The following NF1 variants were observed in gnomAD, a reference collection of about 807,000 sequenced individuals.
NF1 encodes the protein neurofibromin.
In NF1, 122 loss-of-function variants were observed where a neutral mutation model predicts 325.7. The observed-to-expected ratio is 0.37, with a 90% CI of 0.32 to 0.44. The LOEUF (loss-of-function observed/expected upper bound fraction) is 0.44, where lower values mean the gene tolerates loss of function less well. Among genes scored for constraint, NF1 ranks in the 20% least tolerant of loss-of-function variants. NF1 has a pLI of 1.00. For missense variants in NF1, 2,140 were observed against 3,415.4 expected (o/e 0.63, Z 9.31); for synonymous variants, 1,091 against 1,186.0 (o/e 0.92, Z 1.65).
chr17:31,369,669 G>T (rs866378065), intron 57 of NF1, among the ~76,000 whole-genome samples: 5 of 152,200 alleles, frequency 3.3e-5, no homozygotes, highest in Admixed American at 1.3e-4. Flanking sequence ...CTTTAAAGGG[G>T]TTTTGATGAA....
chr17:31,161,458 T>C (rs988316028), intron 3 of NF1, among the ~76,000 whole-genome samples: 2 of 152,214 alleles, frequency 1.3e-5, no homozygotes, highest in African/African-American at 4.8e-5. Flanking sequence ...CTCAGTGTTA[T>C]TAAAATTCTT....
In NF1 at chr17:31,318,608, G is replaced by A. The variant is rs759792906; in HGVS notation, c.4836-7212G>A. The stretch of plus-strand genomic sequence containing the variant: ...ACTGCAATTATAATTAAGCAAATTA[G>A]CATAGCCATGTTGTTGTTGTTTTCC... On this transcript the variant is annotated intron_variant, in intron 36 of 57. Transcript: ENST00000358273. 22 of 1,613,934 alleles carry A rather than the reference G, an allele frequency of 1.4e-5. No individual in the cohort carries two copies. The Middle Eastern group carries it at 4.9e-4, about 36-fold the overall frequency.
At chr17:31,197,410 A>G (rs991952717) in intron 8 of NF1, among the ~76,000 whole-genome samples, 3 of 137,320 alleles carry the variant, frequency 2.2e-5, no homozygotes, top group East Asian at 2.2e-4. Flanking sequence ...TTGAATCTGT[A>G]TATTGCTTTG....
At chr17:31,146,235 A>G (rs975052276) in intron 1 of NF1, among the ~76,000 whole-genome samples, 4 of 152,116 alleles carry the variant, frequency 2.6e-5, no homozygotes, top group African/African-American at 9.7e-5. Context: ...CAGACGGTTC[A>G]GGAATCTGGG....
At position 31,327,664 on chromosome 17, in the gene NF1, T is replaced by C. The variant is rs2069380487; in HGVS notation, c.5434T>C (p.Phe1812Leu). Residue 1812 changes from phenylalanine (F) to leucine (L), a missense_variant, in exon 38 of 58, where the codon TTC (phenylalanine) becomes CTC (leucine). By Grantham distance (22) the Phe-to-Leu change is conservative. Coordinates refer to ENST00000358273, the MANE Select transcript of NF1 (RefSeq NM_001042492.3). ...TGCAAACCAGGGCACGCCGCTCACC[T>C]TCATGCACCAGGAGTGTGAAGCCAT... ...TIANQGTPLT[F>L]MHQECEAIVQ... 6.2e-7 allele frequency: 1 copy of C among 1,614,202 alleles called. No homozygotes were observed. The highest frequency in any genetic ancestry group is 1.1e-5 in the South Asian group (1 of 91,080).
At chr17:31,212,434 C>A (rs1296151195) in intron 12 of NF1, among the ~76,000 whole-genome samples, 3 of 152,212 alleles carry the variant, frequency 2.0e-5, no homozygotes, top group Non-Finnish European at 4.4e-5. Context: ...GTAGGCTGGG[C>A]CTGGTGGCTC....
intron 30 of NF1, chr17:31,251,962 TAA>T (rs770704556): frequency 2.3e-5 from 5 of 214,816 alleles, no homozygotes; most frequent in South Asian, 1.9e-4. Context: ...GTGGATTAAA[TAA>T]TTCTAACATG....
chr17:31,127,923 AT>A (rs1237013422), intron 1 of NF1, among the ~76,000 whole-genome samples: 3 of 151,190 alleles, frequency 2.0e-5, no homozygotes, highest in East Asian at 1.9e-4. Flanking sequence ...TTTAATTAAT[AT>A]TTTTTTTGTA....
chr17:31,116,349 C>A (rs1186345623), intron 1 of NF1, among the ~76,000 whole-genome samples: 1 of 151,866 alleles, frequency 6.6e-6, no homozygotes, highest in South Asian at 2.1e-4. Flanking sequence ...TGAAAAATTG[C>A]CAGGGTTAGC....
intron 36 of NF1, chr17:31,318,740 GT>G: frequency 6.2e-7 from 1 of 1,614,042 alleles, no homozygotes; most frequent in Non-Finnish European, 8.5e-7. Context: ...TAAAGCTCCT[GT>G]TCAGATTTAG....
Position 31,107,586 on chromosome 17 carries a change from T to C in NF1, c.60+12217T>C, listed in dbSNP as rs541331670. ...AACCGAGATTCTGTCTCTGAAAAAA[T>C]AAATAAATAAATAAAATAAATACAT... On this transcript the variant is annotated intron_variant, in intron 1 of 57. Coordinates refer to ENST00000358273, the MANE Select transcript of NF1 (RefSeq NM_001042492.3). Among the ~76,000 whole-genome samples, 34 of 151,314 alleles carry C rather than the reference T, an allele frequency of 2.2e-4. No homozygotes were observed. In the South Asian group the frequency reaches 5.9e-3, roughly 26 times the overall value.
intron 1 of NF1, among the ~76,000 whole-genome samples, chr17:31,153,879 G>A (rs542366393): frequency 6.6e-6 from 1 of 151,328 alleles, no homozygotes; most frequent in East Asian, 2.0e-4. Context: ...CTCTCAAAGT[G>A]CTGGGATTAC....
At chr17:31,312,644 T>C (rs2068908900) in intron 36 of NF1, among the ~76,000 whole-genome samples, 1 of 152,000 alleles carries the variant, frequency 6.6e-6, no homozygotes, top group South Asian at 2.1e-4. Flanking sequence ...ACTTTATGCA[T>C]AATGAAATAA....
At chr17:31,304,093 C>CT (rs199724907) in intron 36 of NF1, 22 of 578,386 alleles carry the variant, frequency 3.8e-5, no homozygotes, top group Non-Finnish European at 4.9e-5. Flanking sequence ...TGTTAAATAA[C>CT]TTTTTTTAAA....
At chr17:31,334,637 C>T (rs1033310412) in intron 39 of NF1, 2 of 523,584 alleles carry the variant, frequency 3.8e-6, no homozygotes, top group Non-Finnish European at 6.7e-6. Context: ...AATTGGCTTA[C>T]TGGCTTTTAA....
At chr17:31,262,679 A>T (rs964964856) in intron 35 of NF1, among the ~76,000 whole-genome samples, 1 of 152,204 alleles carries the variant, frequency 6.6e-6, no homozygotes, top group African/African-American at 2.4e-5. Flanking sequence ...CAAACCATTG[A>T]TACTGTTAAA....
intron 47 of NF1, among the ~76,000 whole-genome samples, chr17:31,341,759 A>C (rs767967559): frequency 4.0e-5 from 6 of 151,872 alleles, no homozygotes; most frequent in Non-Finnish European, 4.4e-5. Context: ...ATTACTTCTT[A>C]GTTCCTTTCT....
chr17:31,314,112 T>C (rs970438683), intron 36 of NF1: 9 of 397,516 alleles, frequency 2.3e-5, no homozygotes, highest in Non-Finnish European at 3.5e-5. Flanking sequence ...AAATAGTTTC[T>C]GTAGAAAAAG....
At chr17:31,296,388 C>T in intron 36 of NF1, 1 of 1,598,854 alleles carries the variant, frequency 6.3e-7, no homozygotes, top group Non-Finnish European at 8.6e-7. Flanking sequence ...ACAGTTTAGG[C>T]ATCTGCATGG....
Sources: gnomAD v4.1 joint callset for allele counts (sites outside exome capture counted in the v4.1 genomes callset) on GRCh38, gnomAD v4.1.1 for gene constraint, MANE v1.5 for transcripts, NCBI Gene and HGNC (gene_info 2026-07-23, HGNC 2026-07-21) for gene names.